The following ASIC2 variants were observed in gnomAD, a reference collection of about 807,000 sequenced individuals.
ASIC2 encodes acid sensing ion channel subunit 2, also known as acid-sensing ion channel 2.
In ASIC2, 25 loss-of-function variants were observed where a neutral mutation model predicts 57.3. That is an observed-to-expected ratio of 0.44 (90% CI 0.32 to 0.61). The LOEUF is 0.61. Among genes scored for constraint, ASIC2 ranks in the 20% least tolerant of loss-of-function variants. The pLI is 0.06. For synonymous variants in ASIC2, 319 were observed against 307.5 expected, an observed-to-expected ratio of 1.04 and a Z score of -0.39; for missense variants, 641 against 738.1, an observed-to-expected ratio of 0.87 and a Z score of 1.52.
At chr17:33,547,166 A>C (rs1259042204) in intron 1 of ASIC2, among the ~76,000 whole-genome samples, 1 of 152,076 alleles carries the variant, frequency 6.6e-6, no homozygotes, top group Non-Finnish European at 1.5e-5. Flanking sequence ...TTGATATAGG[A>C]ACTACAGTTT....
At chr17:33,906,996 T>C (rs1312602292) in intron 1 of ASIC2, among the ~76,000 whole-genome samples, 5 of 152,094 alleles carry the variant, frequency 3.3e-5, no homozygotes, top group Non-Finnish European at 5.9e-5. Context: ...TGAAAGATGC[T>C]CTTTTGGGTT....
At chr17:33,354,619 C>G (rs543291194) in intron 1 of ASIC2, among the ~76,000 whole-genome samples, 1 of 152,126 alleles carries the variant, frequency 6.6e-6, no homozygotes, top group East Asian at 1.9e-4. Flanking sequence ...CCTTCCCACT[C>G]CAGCCTGGGC....
At chr17:33,348,442 AC>A (rs1946102940) in intron 1 of ASIC2, among the ~76,000 whole-genome samples, 1 of 152,116 alleles carries the variant, frequency 6.6e-6, no homozygotes, top group African/African-American at 2.4e-5. Flanking sequence ...GAGAGAAAAA[AC>A]ATCTCCACTC....
At chr17:33,335,882 C>T (rs917519637) in intron 1 of ASIC2, among the ~76,000 whole-genome samples, 11 of 152,188 alleles carry the variant, frequency 7.2e-5, no homozygotes, top group African/African-American at 1.9e-4. Context: ...CAGCTCCAAT[C>T]GCAGACACAC....
At chr17:33,695,012 G>A (rs1908483402) in intron 1 of ASIC2, among the ~76,000 whole-genome samples, 1 of 152,042 alleles carries the variant, frequency 6.6e-6, no homozygotes, top group Non-Finnish European at 1.5e-5. Context: ...GAATATGGTT[G>A]GTAAGTAATT....
intron 1 of ASIC2, among the ~76,000 whole-genome samples, chr17:33,479,192 T>G (rs2141925469): frequency 6.6e-6 from 1 of 151,908 alleles, no homozygotes; most frequent in African/African-American, 2.4e-5. Flanking sequence ...AGAGATGGGG[T>G]TTCTACATAT....
At chr17:33,496,464 G>A (rs191839139) in intron 1 of ASIC2, among the ~76,000 whole-genome samples, 57 of 152,142 alleles carry the variant, frequency 3.7e-4, no homozygotes, top group Middle Eastern at 3.4e-3. Flanking sequence ...CACATCTAAT[G>A]TTATAAAGTT....
chr17:34,037,977 G>C lies in ASIC2; in HGVS notation c.555+118001C>G, dbSNP rs1907956188. ...TCAACTTTATTTGAGATCTTTGGTG[G>C]TTCTTTCCCAACCACAAAACACTCT... On this transcript the variant is annotated intron_variant, in intron 1 of 9. Coordinates refer to the ASIC2 transcript ENST00000359872. 8.1e-6 allele frequency: 13 copies of C among 1,613,506 alleles called. No homozygotes were observed. In the South Asian group the frequency reaches 1.3e-4, roughly 16 times the overall value.
chr17:33,576,527 G>C (rs955951176), intron 1 of ASIC2, among the ~76,000 whole-genome samples: 3 of 152,164 alleles, frequency 2.0e-5, no homozygotes, highest in African/African-American at 7.2e-5. Context: ...AAGTTCTAGA[G>C]CCAGATTGCC....
chr17:33,774,935 T>G (rs1306258962), intron 1 of ASIC2, among the ~76,000 whole-genome samples: 2 of 152,232 alleles, frequency 1.3e-5, no homozygotes, highest in Non-Finnish European at 2.9e-5. Flanking sequence ...TGAGGGATCC[T>G]TAACAGGTAT....
At chr17:33,850,826 C>T (rs1913743966) in intron 1 of ASIC2, among the ~76,000 whole-genome samples, 1 of 151,436 alleles carries the variant, frequency 6.6e-6, no homozygotes, top group East Asian at 1.9e-4. Context: ...AATTTCCTGG[C>T]ATTTGGGGCT....
At chr17:33,963,862 T>C (rs1232898687) in intron 1 of ASIC2, among the ~76,000 whole-genome samples, 1 of 151,278 alleles carries the variant, frequency 6.6e-6, no homozygotes, top group Non-Finnish European at 1.5e-5. Context: ...ATTTGTAAAG[T>C]ATTTTACAGC....
intron 1 of ASIC2, among the ~76,000 whole-genome samples, chr17:33,233,700 A>T (rs539492870): frequency 1.3e-5 from 2 of 152,224 alleles, no homozygotes; most frequent in South Asian, 4.1e-4. Context: ...TTTCACAATA[A>T]TGATTAGAAG....
At chr17:33,876,530 A>C (rs1914549594) in intron 1 of ASIC2, among the ~76,000 whole-genome samples, 1 of 152,214 alleles carries the variant, frequency 6.6e-6, no homozygotes. Context: ...CCACCACTTG[A>C]TTGTACTATC....
chr17:33,278,290 C>T (rs1335748825), intron 1 of ASIC2, among the ~76,000 whole-genome samples: 3 of 151,372 alleles, frequency 2.0e-5, no homozygotes, highest in Non-Finnish European at 2.9e-5. Context: ...TGCTCCTTTA[C>T]CCCCCAACAT....
chr17:33,948,539 C>T lies in ASIC2; in HGVS notation c.555+207439G>A, dbSNP rs531991865. ...CAGGATCACAGGCTTACACCTCAAA[C>T]GCCACCTGGCCTCTGACTGCATGGT... On this transcript the variant is annotated intron_variant, in intron 1 of 9. Transcript: ENST00000359872. Among the ~76,000 whole-genome samples the T allele has an allele frequency of 2.5e-4, 38 of 152,336 alleles. No individual in the cohort carries two copies. The South Asian group carries it at 4.1e-3, about 17-fold the overall frequency.
intron 1 of ASIC2, among the ~76,000 whole-genome samples, chr17:33,402,353 G>A (rs540148996): frequency 2.9e-4 from 44 of 152,210 alleles, no homozygotes; most frequent in African/African-American, 1.0e-3. Context: ...AGGTAAACAT[G>A]TGCCATGGTG....
At chr17:33,309,560 C>T (rs1906322367) in intron 1 of ASIC2, among the ~76,000 whole-genome samples, 1 of 152,002 alleles carries the variant, frequency 6.6e-6, no homozygotes, top group Non-Finnish European at 1.5e-5. Flanking sequence ...TCCTCCTCTA[C>T]CATCACCACC....
chr17:33,090,298 T>A (rs1027616458), intron 2 of ASIC2, among the ~76,000 whole-genome samples: 2 of 152,222 alleles, frequency 1.3e-5, no homozygotes, highest in African/African-American at 4.8e-5. Flanking sequence ...CTGGAGCCCC[T>A]GCCATAGCAC....
Sources: gnomAD v4.1 joint callset for allele counts (sites outside exome capture counted in the v4.1 genomes callset) on GRCh38, gnomAD v4.1.1 for gene constraint, MANE v1.5 for transcripts, NCBI Gene and HGNC (gene_info 2026-07-23, HGNC 2026-07-21) for gene names.